Variants in ZFHX3 observed in about 807,000 individuals in gnomAD.
ZFHX3 encodes zinc finger homeobox protein 3.
A neutral mutation model predicts 279.1 loss-of-function variants in ZFHX3; 42 were observed. The observed-to-expected ratio is 0.15, with a 90% CI of 0.12 to 0.19. The LOEUF is 0.19. Among genes scored for constraint, ZFHX3 ranks in the 10% least tolerant of loss-of-function variants. ZFHX3 has a pLI of 1.00. For missense variants in ZFHX3, 4,981 were observed against 4,754.0 expected (o/e 1.05, Z -1.40); for synonymous variants, 2,293 against 1,957.8 (o/e 1.17, Z -4.52).
chr16:73,515,264 T>G (rs74028696), intron 2 of ZFHX3, among the ~76,000 whole-genome samples: 7,439 of 152,216 alleles, frequency 0.049, 640 homozygotes, highest in African/African-American at 0.17. Flanking sequence ...AATTACCAAT[T>G]CTGTGCACTG....
chr16:73,265,075 A>ATGTGTGTG (rs2013935345), intron 4 of ZFHX3, among the ~76,000 whole-genome samples: 1 of 91,158 alleles, frequency 1.1e-5, no homozygotes. Context: ...CAGCGCATAT[A>ATGTGTGTG]TGCGTGTGTG....
At chr16:73,216,410 G>C (rs1319086534) in intron 5 of ZFHX3, among the ~76,000 whole-genome samples, 1 of 152,286 alleles carries the variant, frequency 6.6e-6, no homozygotes, top group Non-Finnish European at 1.5e-5. Context: ...TGGGTTTCCA[G>C]AGTCCACCAG....
chr16:73,023,775 C>A (rs1342030469), intron 1 of ZFHX3, among the ~76,000 whole-genome samples: 1 of 152,174 alleles, frequency 6.6e-6, no homozygotes, highest in Non-Finnish European at 1.5e-5. Context: ...AATCCTTGAG[C>A]CTAGAGTAAC....
intron 3 of ZFHX3, among the ~76,000 whole-genome samples, chr16:73,392,676 A>G (rs947703742): frequency 6.6e-6 from 1 of 152,128 alleles, no homozygotes; most frequent in Non-Finnish European, 1.5e-5. Flanking sequence ...TAAAATTCCT[A>G]TTGAAATGGA....
intron 3 of ZFHX3, among the ~76,000 whole-genome samples, chr16:72,949,897 A>G (rs1233339255): frequency 6.8e-6 from 1 of 146,170 alleles, no homozygotes; most frequent in East Asian, 2.0e-4. Context: ...CTATGAGGGC[A>G]GGGATTTTCT....
chr16:73,470,787 G>A (rs1021469208), intron 2 of ZFHX3, among the ~76,000 whole-genome samples: 8 of 152,202 alleles, frequency 5.3e-5, no homozygotes, highest in Non-Finnish European at 1.0e-4. Flanking sequence ...CCTACACAGG[G>A]TGCTGAAAAA....
At chr16:73,370,531 G>C (rs142439424) in intron 3 of ZFHX3, among the ~76,000 whole-genome samples, 1 of 152,150 alleles carries the variant, frequency 6.6e-6, no homozygotes, top group Non-Finnish European at 1.5e-5. Context: ...GAGCTCCCTG[G>C]AGTGGCTAGC....
intron 3 of ZFHX3, among the ~76,000 whole-genome samples, chr16:72,898,071 GT>G (rs2038942374): frequency 6.6e-6 from 1 of 152,170 alleles, no homozygotes; most frequent in African/African-American, 2.4e-5. Flanking sequence ...GTCAGATCGC[GT>G]TATAGTTCCA....
At chr16:73,533,000 G>A (rs1431033086) in intron 2 of ZFHX3, among the ~76,000 whole-genome samples, 1 of 152,124 alleles carries the variant, frequency 6.6e-6, no homozygotes, top group African/African-American at 2.4e-5. Flanking sequence ...TTAAACCTCT[G>A]TTCTTTATAA....
chr16:73,664,049 G>T (rs992693086), intron 2 of ZFHX3, among the ~76,000 whole-genome samples: 1 of 152,094 alleles, frequency 6.6e-6, no homozygotes, highest in African/African-American at 2.4e-5. Context: ...AAAGAGAACT[G>T]AATATAAAAT....
chr16:73,393,499 G>T (rs2017062377), intron 3 of ZFHX3, among the ~76,000 whole-genome samples: 2 of 152,170 alleles, frequency 1.3e-5, no homozygotes, highest in African/African-American at 4.8e-5. Context: ...TATGAACTCA[G>T]ATTTGAAGCA....
At chr16:73,497,277 CA>C (rs1402007376) in intron 2 of ZFHX3, among the ~76,000 whole-genome samples, 2 of 152,200 alleles carry the variant, frequency 1.3e-5, no homozygotes, top group African/African-American at 4.8e-5. Flanking sequence ...CTCAGCCACT[CA>C]AAAACTGTCT....
chr16:73,026,969 C>A (rs1280373461), intron 1 of ZFHX3, among the ~76,000 whole-genome samples: 1 of 152,218 alleles, frequency 6.6e-6, no homozygotes, highest in Non-Finnish European at 1.5e-5. Context: ...CTATTTCAGG[C>A]CTTGCAGGCC....
intron 1 of ZFHX3, chr16:72,973,775 G>A: frequency 6.6e-6 from 1 of 152,154 alleles, no homozygotes; most frequent in East Asian, 1.9e-4. Context: ...GGGGAGCTGA[G>A]GCATGAGAAT....
intron 3 of ZFHX3, among the ~76,000 whole-genome samples, chr16:73,403,670 C>T (rs921873844): frequency 2.2e-4 from 34 of 152,224 alleles, no homozygotes; most frequent in African/African-American, 7.9e-4. Flanking sequence ...CTGAACTGGG[C>T]GGGCTGGAGG....
chr16:73,864,232 T>A (rs1443019398), intron 1 of ZFHX3, among the ~76,000 whole-genome samples: 1 of 152,200 alleles, frequency 6.6e-6, no homozygotes, highest in African/African-American at 2.4e-5. Flanking sequence ...AAGTCTGATT[T>A]CTATAGCCTC....
chr16:73,127,416 T>TA (rs1567395519), intron 7 of ZFHX3: 8 of 1,305,342 alleles, frequency 6.1e-6, no homozygotes, highest in Middle Eastern at 2.1e-4. Flanking sequence ...CCTTCCCAGG[T>TA]AGTAGCTGGA....
intron 1 of ZFHX3, among the ~76,000 whole-genome samples, chr16:73,031,586 A>G (rs948761816): frequency 6.6e-6 from 1 of 152,216 alleles, no homozygotes; most frequent in African/African-American, 2.4e-5. Context: ...AACAGTACTT[A>G]AGTGTTTCCA....
At chr16:72,881,991 G>A (rs2038485850) in intron 4 of ZFHX3, among the ~76,000 whole-genome samples, 1 of 152,134 alleles carries the variant, frequency 6.6e-6, no homozygotes, top group Non-Finnish European at 1.5e-5. Flanking sequence ...ATGACATGAT[G>A]TCCTGTGGCT....
Sources: allele counts gnomAD v4.1 joint callset (sites outside exome capture counted in the v4.1 genomes callset), GRCh38; gene constraint gnomAD v4.1.1; transcripts MANE v1.5; gene names NCBI Gene and HGNC (gene_info 2026-07-23, HGNC 2026-07-21).